The following EGFR variants were observed in gnomAD, a reference collection of about 807,000 sequenced individuals.
The protein encoded by EGFR is avian erythroblastic leukemia viral (v-erb-b) oncogene homolog.
In EGFR, 58 loss-of-function variants were observed where a neutral mutation model predicts 143.0. The ratio of observed to expected loss-of-function variants is 0.41; its 90% CI spans 0.33 to 0.50. The LOEUF (loss-of-function observed/expected upper bound fraction) is 0.50. EGFR is among the 20% of genes least tolerant of loss of function. The pLI is 0.39. For synonymous variants in EGFR, 613 were observed against 594.4 expected (o/e 1.03, Z -0.45); for missense variants, 1,307 against 1,579.0 (o/e 0.83, Z 2.92).
chr7:55,204,566 CAT>C (rs1788024061), intron 27 of EGFR, among the ~76,000 whole-genome samples: 1 of 143,434 alleles, frequency 7.0e-6, no homozygotes, highest in Non-Finnish European at 1.5e-5. Flanking sequence ...ACACCACACA[CAT>C]ACACACCACA....
intron 20 of EGFR, among the ~76,000 whole-genome samples, chr7:55,190,104 G>T (rs2128963180): frequency 6.6e-6 from 1 of 152,264 alleles, no homozygotes; most frequent in South Asian, 2.1e-4. Flanking sequence ...CCTCTTTTGG[G>T]AAGCGCTTCC....
chr7:55,048,600 G>A (rs1372436832), intron 1 of EGFR, among the ~76,000 whole-genome samples: 1 of 152,190 alleles, frequency 6.6e-6, no homozygotes, highest in Non-Finnish European at 1.5e-5. Context: ...TCAAACTGAG[G>A]TTGTGTCTCT....
At chr7:55,172,284 C>T (rs17290287) in intron 16 of EGFR, among the ~76,000 whole-genome samples, 2,397 of 152,234 alleles carry the variant, frequency 0.016, 52 homozygotes, top group African/African-American at 0.054. Context: ...TTATATCTTA[C>T]GGTATTCTAG....
chr7:55,127,097 A>C (rs1793571586), intron 1 of EGFR, among the ~76,000 whole-genome samples: 1 of 152,220 alleles, frequency 6.6e-6, no homozygotes, highest in South Asian at 2.1e-4. Flanking sequence ...CAATACTTAC[A>C]TCCCAATGGT....
intron 1 of EGFR, among the ~76,000 whole-genome samples, chr7:55,073,871 G>T (rs1366871119): frequency 6.6e-6 from 1 of 152,220 alleles, no homozygotes; most frequent in Non-Finnish European, 1.5e-5. Flanking sequence ...GATTTTGCAT[G>T]TGCACAGGGA....
At chr7:55,118,556 T>C (rs2128912290) in intron 1 of EGFR, among the ~76,000 whole-genome samples, 1 of 152,242 alleles carries the variant, frequency 6.6e-6, no homozygotes, top group Non-Finnish European at 1.5e-5. Context: ...AACAAACACG[T>C]GTCAACTGTC....
chr7:55,209,798 CA>C lies in EGFR; in HGVS notation c.*4183del, dbSNP rs1562813806. 6.6e-6 allele frequency: 1 copy of C among 152,080 alleles called. No homozygotes were observed. The highest frequency in any genetic ancestry group is 1.5e-5 in the Non-Finnish European group (1 of 68,000). The allele number at this position is 152,080 out of a possible 1,614,324, so 9.4% of individuals were successfully genotyped here. Reference sequence around the variant, plus strand: ...TCTTTATGTAGCACTGAACTTTGTACAATATATTTTTAGAAACTCATTTTTC... The same window carrying C: ...TCTTTATGTAGCACTGAACTTTGTACATATATTTTTAGAAACTCATTTTTC... On this transcript the variant is annotated 3_prime_UTR_variant, in exon 28 of 28. Coordinates refer to ENST00000275493, the MANE Select transcript of EGFR (RefSeq NM_005228.5).
chr7:55,107,519 T>C (rs1792209336), intron 1 of EGFR, among the ~76,000 whole-genome samples: 2 of 152,202 alleles, frequency 1.3e-5, no homozygotes, highest in South Asian at 2.1e-4. Context: ...TAACCCCAAA[T>C]AGAGGAAATT....
chr7:55,134,770 C>A (rs1794044890), intron 1 of EGFR, among the ~76,000 whole-genome samples: 1 of 152,164 alleles, frequency 6.6e-6, no homozygotes. Context: ...GGCACATAGG[C>A]AGAAATAGAT....
chr7:55,170,771 T>A (rs10277413), intron 15 of EGFR: 6 of 1,442,542 alleles, frequency 4.2e-6, no homozygotes, highest in Non-Finnish European at 5.4e-6. Flanking sequence ...CTGCAGGGAC[T>A]CCATGCTGCC....
At chr7:55,158,869 G>A (rs1785557857) in intron 11 of EGFR, among the ~76,000 whole-genome samples, 1 of 152,186 alleles carries the variant, frequency 6.6e-6, no homozygotes. Flanking sequence ...TCCTATGCGA[G>A]ACCACTCATC....
rs775345513 is a variant in EGFR, at chr7:55,205,273, G to A, written c.3289G>A (p.Val1097Ile). 20 of 1,612,968 alleles carry A rather than the reference G, an allele frequency of 1.2e-5. No homozygotes were observed. Among genetic ancestry groups the A allele is most frequent in the African/African-American group, 1.2e-4 (9 of 74,848 alleles). ...ACTTTCAGAATACATAAACCAGTCC[G>A]TTCCCAAAAGGCCCGCTGGCTCTGT... ...LPVPEYINQS[V>I]PKRPAGSVQN... Residue 1097 changes from valine (V) to isoleucine (I), a missense_variant, in exon 28 of 28, where the codon GTT becomes ATT. Val to Ile is a conservative substitution (Grantham distance 29). Around this residue, in one of 7 missense-constraint regions of EGFR, gnomAD observed 313 missense variants for 312.3 expected, o/e 1.00. Coordinates refer to ENST00000275493, the MANE Select transcript of EGFR (RefSeq NM_005228.5).
At chr7:55,042,642 C>T (rs1277031540) in intron 1 of EGFR, among the ~76,000 whole-genome samples, 4 of 151,956 alleles carry the variant, frequency 2.6e-5, no homozygotes, top group Admixed American at 1.3e-4. Flanking sequence ...TTATAAAGCT[C>T]GAAAATATGG....
chr7:55,036,336 T>C lies in EGFR; in HGVS notation c.88+16971T>C, dbSNP rs140564878. Among the ~76,000 whole-genome samples, 841 of 150,686 alleles carry C rather than the reference T, an allele frequency of 5.6e-3. 11 individuals are homozygous for C. Among genetic ancestry groups the C allele is most frequent in the Middle Eastern group, 6.8e-3 (2 of 292 alleles). ...CATCCTATATTTATTGTCCTGTATT[T>C]GGTCTGTTCTGCCTTCTTTATTTTC... is the stretch of plus-strand genomic sequence containing the variant. On this transcript the variant is annotated intron_variant, in intron 1 of 27. Transcript: ENST00000275493.
At chr7:55,178,063 G>T (rs572410044) in intron 19 of EGFR, among the ~76,000 whole-genome samples, 1 of 152,284 alleles carries the variant, frequency 6.6e-6, no homozygotes, top group East Asian at 1.9e-4. Flanking sequence ...CACGCCCCCC[G>T]CTCTGCTCCC....
chr7:55,168,454 G>A (rs572238753), intron 15 of EGFR: 11 of 954,150 alleles, frequency 1.2e-5, no homozygotes, highest in African/African-American at 1.1e-4. Flanking sequence ...TAGAAAGAGG[G>A]GATTTAGTCA....
chr7:55,115,824 C>T (rs1792805407), intron 1 of EGFR, among the ~76,000 whole-genome samples: 1 of 152,162 alleles, frequency 6.6e-6, no homozygotes, highest in African/African-American at 2.4e-5. Context: ...GATTGCAGAA[C>T]TGGAATGGGG....
intron 20 of EGFR, among the ~76,000 whole-genome samples, chr7:55,185,132 A>G (rs1787073559): frequency 6.6e-6 from 1 of 152,164 alleles, no homozygotes; most frequent in Non-Finnish European, 1.5e-5. Flanking sequence ...ACATAAAATT[A>G]TATCAACTAG....
intron 1 of EGFR, among the ~76,000 whole-genome samples, chr7:55,063,307 C>A (rs1165496149): frequency 6.6e-6 from 1 of 152,132 alleles, no homozygotes; most frequent in Non-Finnish European, 1.5e-5. Context: ...TTTGAATCCT[C>A]TTCCCTGGTG....
Sources: gnomAD v4.1 joint callset for allele counts (sites outside exome capture counted in the v4.1 genomes callset) on GRCh38, gnomAD v4.1.1 for gene constraint, gnomAD v4.1.1 regional missense constraint, MANE v1.5 for transcripts, NCBI Gene and HGNC (gene_info 2026-07-23, HGNC 2026-07-21) for gene names.